Variants in POFUT1 observed in about 807,000 individuals in gnomAD.
POFUT1 encodes GDP-fucose protein O-fucosyltransferase 1.
A neutral mutation model predicts 42.4 loss-of-function variants in POFUT1; 16 were observed. That is an observed-to-expected ratio of 0.38 (90% CI 0.26 to 0.57). POFUT1 has a LOEUF of 0.57. Ranked by LOEUF, POFUT1 falls within the 20% of genes least tolerant of loss-of-function variation. The pLI, the probability that POFUT1 is intolerant of heterozygous loss-of-function variation, is 0.71. For missense variants in POFUT1, 470 were observed against 504.6 expected (o/e 0.93, Z 0.66); for synonymous variants, 206 against 205.4 (o/e 1.00, Z -0.03).
intron 5 of POFUT1, 128 bp downstream of exon 5, chr20:32,228,583 G>C (rs568689988): frequency 2.9e-5 from 22 of 768,682 alleles, no homozygotes; most frequent in Admixed American, 5.8e-5. Flanking sequence ...TCGTGGGATT[G>C]TGTCCCATCA....
At position 32,226,452 on chromosome 20, in the gene POFUT1, CTGTG is replaced by C. The variant is rs33999719; in HGVS notation, c.543-1787_543-1784del. Among the ~76,000 whole-genome samples, 983 of 147,724 alleles carry C rather than the reference CTGTG, an allele frequency of 6.7e-3. 5 individuals are homozygous for C. The highest frequency in any genetic ancestry group is 0.01 in the Middle Eastern group (3 of 286). ...TACTTCTGAGTGTGTGAGTGCATGC[CTGTG>C]TGTGTGTGTGTGTGTGTGTGTGTAT... On this transcript the variant is annotated intron_variant, in intron 4 of 6. Coordinates refer to ENST00000375749, the MANE Select transcript of POFUT1 (RefSeq NM_015352.2).
At chr20:32,234,360 T>C (rs1276815405) in intron 6 of POFUT1, 113 bp from the exon 7 acceptor site, 2 of 989,972 alleles carry the variant, frequency 2.0e-6, no homozygotes, top group African/African-American at 1.6e-5. Flanking sequence ...TCCTCTTCTC[T>C]GCCCCTCCTT....
At chr20:32,208,505 T>A (rs1161080098) in intron 1 of POFUT1, among the ~76,000 whole-genome samples, 1 of 151,978 alleles carries the variant, frequency 6.6e-6, no homozygotes, top group Non-Finnish European at 1.5e-5. Context: ...TTCATTTTAG[T>A]TGGGGAAGAC....
At chr20:32,211,279 A>T (rs1290151210) in intron 2 of POFUT1, among the ~76,000 whole-genome samples, 4 of 147,070 alleles carry the variant, frequency 2.7e-5, no homozygotes, top group Non-Finnish European at 1.5e-5. Flanking sequence ...CGCACTCACT[A>T]TTTTTTTTTT....
chr20:32,221,045 G>C (rs2047388644), intron 4 of POFUT1, among the ~76,000 whole-genome samples: 1 of 152,150 alleles, frequency 6.6e-6, no homozygotes, highest in African/African-American at 2.4e-5. Context: ...CCACCTAATG[G>C]GAAGGGGTTC....
At chr20:32,228,565 G>C in intron 5 of POFUT1, 110 bp downstream of exon 5, 1 of 899,858 alleles carries the variant, frequency 1.1e-6, no homozygotes, top group South Asian at 1.8e-5. Flanking sequence ...TCTCTCACTT[G>C]TTCTGGTTCG....
chr20:32,214,199 A>C (rs1287290689), intron 2 of POFUT1, among the ~76,000 whole-genome samples: 1 of 151,982 alleles, frequency 6.6e-6, no homozygotes, highest in Non-Finnish European at 1.5e-5. Context: ...GTCACACATC[A>C]CTGAAGCCTC....
At position 32,215,425 on chromosome 20, in the gene POFUT1, C is replaced by T. The variant is rs770780417; in HGVS notation, c.403C>T (p.Pro135Ser). 1 of 1,612,756 alleles carries T rather than the reference C, an allele frequency of 6.2e-7. No homozygotes were observed. The highest frequency in any genetic ancestry group is 1.7e-5 in the Admixed American group (1 of 59,992). ...YCFEVAAQRS[P>S]DKKTCPMKEG... is the part of the protein sequence containing the mutation. ...CTTTGAGGTGGCAGCCCAGCGAAGCCCAGATAAGAAGACGTGCCCCATGAA... is the reference window on the plus strand; with the variant it reads ...CTTTGAGGTGGCAGCCCAGCGAAGCTCAGATAAGAAGACGTGCCCCATGAA... Residue 135 changes from proline (P) to serine (S), a missense_variant, in exon 3 of 7, where the codon CCA becomes TCA. Transcript: ENST00000375749.
At chr20:32,221,713 TA>T (rs200561795) in intron 4 of POFUT1, among the ~76,000 whole-genome samples, 3,554 of 144,698 alleles carry the variant, frequency 0.025, 110 homozygotes, top group African/African-American at 0.071. Context: ...GAGACCATCT[TA>T]AAAAAAAAAA....
chr20:32,211,986 A>G (rs1275288227), intron 2 of POFUT1, among the ~76,000 whole-genome samples: 1 of 152,192 alleles, frequency 6.6e-6, no homozygotes, highest in African/African-American at 2.4e-5. Context: ...CTTACTAGCT[A>G]TGTGACCTCA....
chr20:32,221,034 C>G (rs550025746), intron 4 of POFUT1, among the ~76,000 whole-genome samples: 74 of 152,086 alleles, frequency 4.9e-4, no homozygotes, highest in Non-Finnish European at 6.6e-4. Context: ...GGAGGCAGAG[C>G]CCACCTAATG....
chr20:32,233,471 C>A (rs777137875), intron 6 of POFUT1, among the ~76,000 whole-genome samples: 4 of 152,094 alleles, frequency 2.6e-5, no homozygotes, highest in Non-Finnish European at 5.9e-5. Context: ...TTGTAGGCCA[C>A]GTTCACAATT....
intron 2 of POFUT1, among the ~76,000 whole-genome samples, chr20:32,213,279 T>G (rs1238341969): frequency 1.3e-5 from 2 of 151,726 alleles, no homozygotes; most frequent in Non-Finnish European, 2.9e-5. Context: ...CTGGCCAACA[T>G]GGTGAAACCC....
chr20:32,223,625 A>G (rs963283414), intron 4 of POFUT1: 1 of 985,406 alleles, frequency 1.0e-6, no homozygotes. Context: ...GACCTGGCCT[A>G]TAGTAGCTAC....
intron 6 of POFUT1, among the ~76,000 whole-genome samples, chr20:32,234,008 C>T (rs1292916872): frequency 1.3e-5 from 2 of 152,144 alleles, no homozygotes; most frequent in African/African-American, 4.8e-5. Flanking sequence ...CATAGCAAGA[C>T]TCCTCCTCTA....
At chr20:32,232,453 C>T (rs2047448240) in intron 6 of POFUT1, among the ~76,000 whole-genome samples, 1 of 152,230 alleles carries the variant, frequency 6.6e-6, no homozygotes, top group African/African-American at 2.4e-5. Context: ...ATAGAGTTTA[C>T]CCAAGCAGTC....
intron 4 of POFUT1, chr20:32,217,587 A>C (rs183155720): frequency 1.0e-6 from 1 of 985,876 alleles, no homozygotes; most frequent in East Asian, 1.1e-4. Context: ...ACTCCAGCCC[A>C]GGTTACAGAG....
chr20:32,237,595 A>G lies in POFUT1; in HGVS notation c.*2934A>G, dbSNP rs2047478252. 6 of 294,968 alleles carry G rather than the reference A, an allele frequency of 2.0e-5. No individual in the cohort carries two copies. Among genetic ancestry groups the G allele is most frequent in the Admixed American group, 8.0e-5 (2 of 24,918 alleles). 18.3% of individuals were successfully genotyped at this position (294,968 alleles called of 1,614,324 possible). A position where few individuals can be genotyped will look rare whatever the true frequency, so the allele number is the denominator to read the frequency against. ...AGCAGGTCAGAGCAGGCGAGCTGAC[A>G]TTCTGCAGCCTGGACGGCCATGGCA... On this transcript the variant is annotated 3_prime_UTR_variant, in exon 7 of 7. Coordinates refer to ENST00000375749, the MANE Select transcript of POFUT1 (RefSeq NM_015352.2).
At chr20:32,210,271 TG>T (rs2047320442) in intron 2 of POFUT1, 79 bp downstream of exon 2, 1 of 1,486,034 alleles carries the variant, frequency 6.7e-7, no homozygotes, top group African/African-American at 1.4e-5. Context: ...TCAAGTCCTC[TG>T]GGCTTTACCT....
Sources: gnomAD v4.1 joint callset for allele counts (sites outside exome capture counted in the v4.1 genomes callset) on GRCh38, gnomAD v4.1.1 for gene constraint, MANE v1.5 for transcripts, NCBI Gene and HGNC (gene_info 2026-07-23, HGNC 2026-07-21) for gene names.